C8orf34: variants seen among roughly 807,000 people sequenced by gnomAD.
The protein encoded by C8orf34 is uncharacterized protein C8orf34.
Under a neutral mutation model 68.3 loss-of-function variants are expected in C8orf34, and 65 were observed. That is an observed-to-expected ratio of 0.95 (90% CI 0.78 to 1.17). The LOEUF (loss-of-function observed/expected upper bound fraction) is 1.17, where lower values mean the gene tolerates loss of function less well. Among genes scored for constraint, C8orf34 ranks in the 50% most tolerant of loss-of-function variants. The pLI, the probability that C8orf34 is intolerant of heterozygous loss-of-function variation, is 0.00. For synonymous variants in C8orf34, 244 were observed against 241.2 expected (o/e 1.01, Z -0.11); for missense variants, 664 against 655.4 (o/e 1.01, Z -0.14).
At chr8:68,539,592 C>T (rs902132194) in intron 7 of C8orf34, among the ~76,000 whole-genome samples, 6 of 152,148 alleles carry the variant, frequency 3.9e-5, no homozygotes, top group Non-Finnish European at 8.8e-5. Flanking sequence ...TGGCTCACGC[C>T]TGTAATCCCA....
At chr8:68,573,276 G>A (rs192387640) in intron 7 of C8orf34, among the ~76,000 whole-genome samples, 1 of 152,190 alleles carries the variant, frequency 6.6e-6, no homozygotes, top group East Asian at 1.9e-4. Flanking sequence ...AAATGTGGGT[G>A]GAAATGACAG....
At chr8:68,755,085 A>G (rs1822816637) in intron 10 of C8orf34, among the ~76,000 whole-genome samples, 2 of 152,208 alleles carry the variant, frequency 1.3e-5, no homozygotes, top group African/African-American at 4.8e-5. Flanking sequence ...AATGTGTCCT[A>G]TGTCATTATA....
At chr8:68,743,709 C>A (rs1287323068) in intron 10 of C8orf34, among the ~76,000 whole-genome samples, 1 of 152,244 alleles carries the variant, frequency 6.6e-6, no homozygotes, top group Non-Finnish European at 1.5e-5. Context: ...GAGATTAAAA[C>A]CCGCACCTGG....
intron 11 of C8orf34, among the ~76,000 whole-genome samples, chr8:68,780,860 T>C (rs570592474): frequency 2.0e-5 from 3 of 152,322 alleles, no homozygotes; most frequent in Admixed American, 2.0e-4. Context: ...TTTAGCTGTG[T>C]ACATAAAGGG....
intron 7 of C8orf34, among the ~76,000 whole-genome samples, chr8:68,560,650 G>T (rs1300257010): frequency 1.3e-5 from 2 of 152,136 alleles, no homozygotes; most frequent in African/African-American, 4.8e-5. Flanking sequence ...GTAGGCAATT[G>T]TAATGCAATG....
At chr8:68,398,624 G>A (rs1586054659) in intron 1 of C8orf34, among the ~76,000 whole-genome samples, 2 of 152,158 alleles carry the variant, frequency 1.3e-5, no homozygotes, top group South Asian at 4.2e-4. Context: ...AAAGTATTAT[G>A]TGGTACATAT....
At chr8:68,622,586 C>A (rs971356619) in intron 7 of C8orf34, among the ~76,000 whole-genome samples, 1 of 152,072 alleles carries the variant, frequency 6.6e-6, no homozygotes, top group African/African-American at 2.4e-5. Context: ...AAAGGCATTG[C>A]AGTAAGTGAG....
At chr8:68,467,518 C>G (rs1812200641) in intron 3 of C8orf34, among the ~76,000 whole-genome samples, 1 of 151,924 alleles carries the variant, frequency 6.6e-6, no homozygotes, top group Admixed American at 6.6e-5. Context: ...TCATTGGTTT[C>G]TAGACTTTTT....
intron 1 of C8orf34, among the ~76,000 whole-genome samples, chr8:68,432,386 C>T (rs1810485630): frequency 6.6e-6 from 1 of 152,008 alleles, no homozygotes; most frequent in Non-Finnish European, 1.5e-5. Context: ...TCTTGGCTCA[C>T]TGCAACCTTT....
At chr8:68,524,991 G>A (rs1814915567) in intron 6 of C8orf34, among the ~76,000 whole-genome samples, 1 of 152,032 alleles carries the variant, frequency 6.6e-6, no homozygotes, top group African/African-American at 2.4e-5. Context: ...TTTCTTAAGT[G>A]AACACTGTTA....
chr8:68,533,016 ACAG>A lies in C8orf34; in HGVS notation c.978_980del (p.Gln329del), dbSNP rs1326603586. 6.2e-7 allele frequency: 1 copy of A among 1,607,508 alleles called. No homozygotes were observed. The highest frequency in any genetic ancestry group is 1.1e-5 in the South Asian group (1 of 90,312). The stretch of plus-strand genomic sequence containing the variant: ...TGGAGCCTAAGAACAAAGGATTAAA[ACAG>A]CAGCAACAGCAACATAAGAAACTCC... On this transcript the variant is annotated inframe_deletion, in exon 7 of 14. Transcript: ENST00000518698.
intron 9 of C8orf34, among the ~76,000 whole-genome samples, chr8:68,721,037 A>G (rs1821656869): frequency 6.6e-6 from 1 of 151,978 alleles, no homozygotes; most frequent in Admixed American, 6.6e-5. Context: ...TATAAAAGAG[A>G]AACAGGGCAT....
chr8:68,799,186 G>C (rs1181973048), intron 12 of C8orf34, among the ~76,000 whole-genome samples: 1 of 152,160 alleles, frequency 6.6e-6, no homozygotes, highest in Non-Finnish European at 1.5e-5. Flanking sequence ...AGTTATAAAG[G>C]AGCGGCACAT....
At chr8:68,447,675 G>A (rs1457186934) in intron 3 of C8orf34, 1 of 152,118 alleles carries the variant, frequency 6.6e-6, no homozygotes, top group African/African-American at 2.4e-5. Context: ...TCTGCATCTG[G>A]GTCATTTGTG....
intron 7 of C8orf34, among the ~76,000 whole-genome samples, chr8:68,567,459 G>A (rs891443875): frequency 1.3e-5 from 2 of 150,624 alleles, no homozygotes; most frequent in African/African-American, 4.9e-5. Flanking sequence ...TGTGTTGTCA[G>A]TTGTAATATC....
chr8:68,479,740 T>C (rs534472742), intron 4 of C8orf34, among the ~76,000 whole-genome samples: 1 of 152,288 alleles, frequency 6.6e-6, no homozygotes, highest in Admixed American at 6.5e-5. Context: ...TGAGGTCCTA[T>C]ACAGTAAGAA....
intron 1 of C8orf34, among the ~76,000 whole-genome samples, chr8:68,417,190 G>A (rs2129622962): frequency 6.6e-6 from 1 of 151,688 alleles, no homozygotes; most frequent in South Asian, 2.1e-4. Flanking sequence ...GAAGTTAATG[G>A]GCTTTATTTC....
chr8:68,535,536 C>G (rs1815428759), intron 7 of C8orf34: 1 of 909,970 alleles, frequency 1.1e-6, no homozygotes, highest in Non-Finnish European at 1.3e-6. Flanking sequence ...TTTAGTTGAA[C>G]TAGTAGAAGT....
chr8:68,592,619 T>TTTTTC (rs1817429117), intron 7 of C8orf34, among the ~76,000 whole-genome samples: 1 of 135,516 alleles, frequency 7.4e-6, no homozygotes, highest in Non-Finnish European at 1.6e-5. Flanking sequence ...TTTTTTTTTT[T>TTTTTC]GAGATGGAGT....
Sources: allele counts gnomAD v4.1 joint callset (sites outside exome capture counted in the v4.1 genomes callset), GRCh38; gene constraint gnomAD v4.1.1; transcripts MANE v1.5; gene names NCBI Gene and HGNC (gene_info 2026-07-23, HGNC 2026-07-21).